B4GALT2: variants seen among roughly 807,000 people sequenced by gnomAD.
The protein encoded by B4GALT2 is N-acetyllactosamine synthase.
A neutral mutation model predicts 33.2 loss-of-function variants in B4GALT2; 18 were observed. That is an observed-to-expected ratio of 0.54 (90% CI 0.38 to 0.80). The LOEUF (loss-of-function observed/expected upper bound fraction) is 0.80, where lower values mean the gene tolerates loss of function less well. B4GALT2 is among the 30% of genes least tolerant of loss of function. The pLI, the probability that B4GALT2 is intolerant of heterozygous loss-of-function variation, is 0.00. For missense variants in B4GALT2, 404 were observed against 526.2 expected, an observed-to-expected ratio of 0.77 and a Z score of 2.27; for synonymous variants, 214 against 217.6, an observed-to-expected ratio of 0.98 and a Z score of 0.15.
rs1571802843 is a variant in B4GALT2, at chr1:43,981,997, C to T, written c.549+73C>T. On this transcript the variant is annotated intron_variant, in intron 3 of 6. Transcript: ENST00000372324. The surrounding 1 kb of genome is among the most constrained non-coding windows in gnomAD (Gnocchi z 8.1). Reference sequence around the variant, plus strand: ...GGGGGCGTTTGTGGGTCCTTGTCTGCCCGTGTGGATATGTGGATGGACCTG... The same window carrying T: ...GGGGGCGTTTGTGGGTCCTTGTCTGTCCGTGTGGATATGTGGATGGACCTG... The T allele has an allele frequency of 1.6e-5, 23 of 1,464,030 alleles. No homozygotes were observed. The East Asian group carries it at 5.1e-4, about 33-fold the overall frequency. 90.7% of individuals were successfully genotyped at this position (1,464,030 alleles called of 1,614,324 possible). A position where few individuals can be genotyped will look rare whatever the true frequency, so the allele number is the denominator to read the frequency against.
chr1:43,979,861 C>A lies in B4GALT2; in HGVS notation c.-53+350C>A, dbSNP rs938470532. The A allele has an allele frequency of 1.7e-5, 14 of 803,620 alleles. 1 individual carries two copies. In the South Asian group the frequency reaches 2.2e-4, roughly 13 times the overall value. 49.8% of individuals were successfully genotyped at this position (803,620 alleles called of 1,614,324 possible). ...ACCCACCCGGTCTGTGCGGCCTGCC[C>A]GTCCGCGGGTGCCACGTGTTCAGCC... On this transcript the variant is annotated intron_variant, in intron 1 of 6. Coordinates refer to ENST00000372324, the MANE Select transcript of B4GALT2 (RefSeq NM_003780.5). The surrounding 1 kb of genome is among the most constrained non-coding windows in gnomAD (Gnocchi z 4.8).
At chr1:43,989,139 G>A (rs2085693451) in intron 6 of B4GALT2, among the ~76,000 whole-genome samples, 1 of 152,156 alleles carries the variant, frequency 6.6e-6, no homozygotes, top group Non-Finnish European at 1.5e-5. Context: ...CTGAGGTTAG[G>A]AGTTCGAGAC....
rs2085634193 is a variant in B4GALT2 at position 43,984,527 on chromosome 1, G to C, written c.550-338G>C. On this transcript the variant is annotated intron_variant, in intron 3 of 6. Coordinates refer to ENST00000372324, the MANE Select transcript of B4GALT2 (RefSeq NM_003780.5). The surrounding 1 kb of genome is among the most constrained non-coding windows in gnomAD (Gnocchi z 5.6). ...GTACTGGGGTGGGGAAGTGTGGTCA[G>C]GGGAGCCGCTCCAGCCCTGAGTGTG... Among the ~76,000 whole-genome samples the C allele has an allele frequency of 6.6e-6, 1 of 152,246 alleles. No homozygotes were observed. Among genetic ancestry groups the C allele is most frequent in the Admixed American group, 6.5e-5 (1 of 15,288 alleles).
chr1:43,984,124 A>G lies in B4GALT2; in HGVS notation c.550-741A>G, dbSNP rs1388613592. Among the ~76,000 whole-genome samples, 2 of 152,196 alleles carry G rather than the reference A, an allele frequency of 1.3e-5. No individual in the cohort carries two copies. Among genetic ancestry groups the G allele is most frequent in the African/African-American group, 2.4e-5 (1 of 41,450 alleles). On this transcript the variant is annotated intron_variant, in intron 3 of 6. Transcript: ENST00000372324. The surrounding 1 kb of genome is among the most constrained non-coding windows in gnomAD (Gnocchi z 5.6). ...CATGGCCAGGACCCCTGCAGCCCCA[A>G]TTCTCAGGGGACCCCAGGCTTGCTG...
chr1:43,979,795 T>C lies in B4GALT2; in HGVS notation c.-53+284T>C, dbSNP rs2085573802. ...ACGTTTCCCCTTGGCCTTTGCCTCA[T>C]CCGCTGCCCTCCACCCACTCCCCCT... On this transcript the variant is annotated intron_variant, in intron 1 of 6. Transcript: ENST00000372324. This position sits in a 1 kb window ranked among gnomAD's most constrained non-coding sequence, Gnocchi z 4.8. The C allele has an allele frequency of 1.9e-6, 1 of 539,820 alleles. No homozygotes were observed. The highest frequency in any genetic ancestry group is 3.3e-6 in the Non-Finnish European group (1 of 303,732). The allele number at this position is 539,820 out of a possible 1,614,324, so 33.4% of individuals were successfully genotyped here.
At chr1:43,987,687 T>G (rs968154340) in intron 6 of B4GALT2, among the ~76,000 whole-genome samples, 3 of 152,308 alleles carry the variant, frequency 2.0e-5, no homozygotes, top group African/African-American at 7.2e-5. Flanking sequence ...GGCCCCCAAC[T>G]GGGTTAAACA....
chr1:43,980,003 T>A (rs1248127656), intron 1 of B4GALT2: 7 of 1,522,514 alleles, frequency 4.6e-6, no homozygotes, highest in Non-Finnish European at 6.1e-6. Context: ...TGTCTGAGAG[T>A]CTGGATGTAT....
In B4GALT2 at chr1:43,990,293, T is replaced by C; in HGVS notation, c.969-5T>C. 2 of 1,614,128 alleles carry C rather than the reference T, an allele frequency of 1.2e-6. No homozygotes were observed. The highest frequency in any genetic ancestry group is 1.6e-4 in the Middle Eastern group (1 of 6,062). On this transcript the variant is annotated splice_polypyrimidine_tract_variant and splice_region_variant and intron_variant, in intron 6 of 6. Transcript: ENST00000372324. ...CCTGATGTGGACCATTTCCATCCTATCTAGGTTTACCAAGATTCAAAACAC... is the reference window on the plus strand; with the variant it reads ...CCTGATGTGGACCATTTCCATCCTACCTAGGTTTACCAAGATTCAAAACAC...
At chr1:43,980,208 C>T in intron 1 of B4GALT2, 1 of 796,328 alleles carries the variant, frequency 1.3e-6, no homozygotes, top group South Asian at 2.3e-5. Flanking sequence ...GAAGTGGCTG[C>T]CGCTCTCTTG....
chr1:43,983,276 C>T (rs2085620857), intron 3 of B4GALT2, among the ~76,000 whole-genome samples: 1 of 152,050 alleles, frequency 6.6e-6, no homozygotes, highest in African/African-American at 2.4e-5. Flanking sequence ...GTCTGACCTG[C>T]CAGGGAGCAA....
Position 43,982,068 on chromosome 1 carries a change from C to T in B4GALT2, c.549+144C>T. 1 of 802,536 alleles carries T rather than the reference C, an allele frequency of 1.2e-6. No individual in the cohort carries two copies. Among genetic ancestry groups the T allele is most frequent in the Non-Finnish European group, 2.0e-6 (1 of 505,346 alleles). 49.7% of individuals were successfully genotyped at this position (802,536 alleles called of 1,614,324 possible). A position where few individuals can be genotyped will look rare whatever the true frequency, so the allele number is the denominator to read the frequency against. ...GTCAGTGTGCACAGGAATGTGTACG[C>T]ACAGTGTGTGCATGTGAATGTTGGC... On this transcript the variant is annotated intron_variant, in intron 3 of 6. Transcript: ENST00000372324. This position sits in a 1 kb window ranked among gnomAD's most constrained non-coding sequence, Gnocchi z 4.3.
At position 43,984,140 on chromosome 1, in the gene B4GALT2, A is replaced by G. The variant is rs1240884300; in HGVS notation, c.550-725A>G. ...GCAGCCCCAATTCTCAGGGGACCCCAGGCTTGCTGGGCTGTGACTGCCTAT... is the reference window on the plus strand; with the variant it reads ...GCAGCCCCAATTCTCAGGGGACCCCGGGCTTGCTGGGCTGTGACTGCCTAT... On this transcript the variant is annotated intron_variant, in intron 3 of 6. Transcript: ENST00000372324. This position sits in a 1 kb window ranked among gnomAD's most constrained non-coding sequence, Gnocchi z 5.6. Among the ~76,000 whole-genome samples the G allele has an allele frequency of 6.6e-6, 1 of 152,230 alleles. No individual in the cohort carries two copies. Among genetic ancestry groups the G allele is most frequent in the South Asian group, 2.1e-4 (1 of 4,836 alleles).
chr1:43,990,619 G>A lies in B4GALT2; in HGVS notation c.*171G>A, dbSNP rs961620019. On this transcript the variant is annotated 3_prime_UTR_variant, in exon 7 of 7. Coordinates refer to ENST00000372324, the MANE Select transcript of B4GALT2 (RefSeq NM_003780.5). ...CTGGAAGTTTCAGAACCCACTTTGG[G>A]GGGCCTCCTGCCTGGGCAGGCTCTT... 3.2e-6 allele frequency: 3 copies of A among 923,260 alleles called. No homozygotes were observed. Among genetic ancestry groups the A allele is most frequent in the Non-Finnish European group, 4.8e-6 (3 of 627,822 alleles). 57.2% of individuals were successfully genotyped at this position (923,260 alleles called of 1,614,324 possible).
chr1:43,991,005 G>C lies in B4GALT2; in HGVS notation c.*557G>C, dbSNP rs1463368709. 2 of 159,618 alleles carry C rather than the reference G, an allele frequency of 1.3e-5. No homozygotes were observed. Among genetic ancestry groups the C allele is most frequent in the African/African-American group, 4.8e-5 (2 of 41,482 alleles). The allele number at this position is 159,618 out of a possible 1,614,324, so 9.9% of individuals were successfully genotyped here. On this transcript the variant is annotated 3_prime_UTR_variant, in exon 7 of 7. Transcript: ENST00000372324. ...AGAGGGGATGCTGTGTCGCTGCCTG[G>C]GATCTTGGGGTTGGCCTTTGCATGG...
chr1:43,987,082 T>C (rs2085666919), intron 6 of B4GALT2, among the ~76,000 whole-genome samples: 1 of 152,012 alleles, frequency 6.6e-6, no homozygotes, highest in African/African-American at 2.4e-5. Flanking sequence ...TGATGAAAAC[T>C]ATGGTCAGCA....
intron 3 of B4GALT2, among the ~76,000 whole-genome samples, chr1:43,983,806 C>T (rs1447769609): frequency 2.0e-5 from 3 of 151,970 alleles, no homozygotes; most frequent in African/African-American, 7.3e-5. Context: ...GATGGTCTCT[C>T]CAAGGGCTGG....
intron 6 of B4GALT2, among the ~76,000 whole-genome samples, chr1:43,987,793 C>T (rs936593820): frequency 6.6e-6 from 1 of 152,236 alleles, no homozygotes; most frequent in Non-Finnish European, 1.5e-5. Context: ...GTACTTGAAC[C>T]TCCAAGCTAA....
chr1:43,981,455 G>A lies in B4GALT2; in HGVS notation c.295G>A (p.Asp99Asn). 6.3e-7 allele frequency: 1 copy of A among 1,583,998 alleles called. No individual in the cohort carries two copies. Among genetic ancestry groups the A allele is most frequent in the Non-Finnish European group, 8.6e-7 (1 of 1,169,110 alleles). Reference protein sequence around the residue: ...PTAPTLPPCPDSPPGLVGRLL... With the variant: ...PTAPTLPPCPNSPPGLVGRLL... ...GGCTCCCACGCTGCCACCCTGTCCT[G>A]ACTCGCCACCTGGTCTTGGTGAGCC... Residue 99 changes from aspartate to asparagine, a missense_variant, in exon 2 of 7, where the codon GAC becomes AAC. Transcript: ENST00000372324. The surrounding 1 kb of genome is among the most constrained non-coding windows in gnomAD (Gnocchi z 8.1).
intron 3 of B4GALT2, among the ~76,000 whole-genome samples, chr1:43,983,945 C>T (rs1374986214): frequency 1.3e-5 from 2 of 152,146 alleles, no homozygotes; most frequent in African/African-American, 2.4e-5. Context: ...CCTTTCTCTC[C>T]GCTCATTCCA....
Sources: gnomAD v4.1 joint callset for allele counts (sites outside exome capture counted in the v4.1 genomes callset) on GRCh38, gnomAD v4.1.1 for gene constraint, Gnocchi (gnomAD v3.1) non-coding constraint, MANE v1.5 for transcripts, NCBI Gene and HGNC (gene_info 2026-07-23, HGNC 2026-07-21) for gene names.